The following PEX5L variants were observed in gnomAD, a reference collection of about 807,000 sequenced individuals.
PEX5L encodes the protein peroxisomal biogenesis factor 5 like.
A neutral mutation model predicts 84.0 loss-of-function variants in PEX5L; 30 were observed. The ratio of observed to expected loss-of-function variants is 0.36; its 90% CI spans 0.27 to 0.48. PEX5L has a LOEUF of 0.48. Among genes scored for constraint, PEX5L ranks in the 20% least tolerant of loss-of-function variants. The probability of loss-of-function intolerance (pLI) is 0.99; values close to 1 mark genes in which losing one functional copy is unlikely to be tolerated. For missense variants in PEX5L, 533 were observed against 754.6 expected (o/e 0.71, Z 3.44); for synonymous variants, 270 against 283.1 (o/e 0.95, Z 0.46).
chr3:179,840,401 C>T (rs1736766984), intron 8 of PEX5L, among the ~76,000 whole-genome samples: 1 of 151,382 alleles, frequency 6.6e-6, no homozygotes, highest in South Asian at 2.1e-4. Context: ...GTTGGCCAGG[C>T]TGGTCTCGAA....
At chr3:179,926,672 C>T (rs1771547705) in intron 2 of PEX5L, among the ~76,000 whole-genome samples, 1 of 152,206 alleles carries the variant, frequency 6.6e-6, no homozygotes, top group South Asian at 2.1e-4. Flanking sequence ...TGTTGTCTCT[C>T]CAACTAGAAT....
intron 2 of PEX5L, among the ~76,000 whole-genome samples, chr3:179,927,507 T>G (rs929249367): frequency 3.3e-5 from 5 of 152,182 alleles, no homozygotes; most frequent in African/African-American, 1.2e-4. Context: ...TTTGCTACCT[T>G]ACTGGGGATG....
intron 2 of PEX5L, among the ~76,000 whole-genome samples, chr3:179,898,938 A>AATAC (rs1760283059): frequency 6.6e-6 from 1 of 152,168 alleles, no homozygotes; most frequent in African/African-American, 2.4e-5. Context: ...AAGGATAATT[A>AATAC]ATACGTAAAG....
intron 8 of PEX5L, among the ~76,000 whole-genome samples, chr3:179,846,363 C>G (rs1271051867): frequency 6.6e-6 from 1 of 152,204 alleles, no homozygotes; most frequent in Non-Finnish European, 1.5e-5. Context: ...AATCTTCTAG[C>G]TATTTTGAAA....
intron 7 of PEX5L, among the ~76,000 whole-genome samples, chr3:179,867,209 C>T (rs1396472150): frequency 7.9e-5 from 12 of 151,976 alleles, no homozygotes; most frequent in Admixed American, 7.9e-4. Flanking sequence ...GATTTGTGAA[C>T]AGTCTATTAT....
At chr3:179,804,947 T>C (rs1360621940) in intron 14 of PEX5L, among the ~76,000 whole-genome samples, 1 of 151,986 alleles carries the variant, frequency 6.6e-6, no homozygotes, top group African/African-American at 2.4e-5. Flanking sequence ...GGTGAAACCC[T>C]GTGTCTACTA....
intron 2 of PEX5L, among the ~76,000 whole-genome samples, chr3:179,905,505 C>A (rs575479687): frequency 6.6e-6 from 1 of 152,138 alleles, no homozygotes; most frequent in African/African-American, 2.4e-5. Context: ...GTGATCCGCC[C>A]GCCTCGACCT....
At chr3:179,933,983 A>G (rs984194518) in intron 2 of PEX5L, among the ~76,000 whole-genome samples, 8 of 152,338 alleles carry the variant, frequency 5.3e-5, no homozygotes, top group African/African-American at 1.7e-4. Flanking sequence ...AGGTTGTGCC[A>G]GGACTCAGAA....
intron 8 of PEX5L, among the ~76,000 whole-genome samples, chr3:179,841,136 ACAGAGCC>A (rs1257516955): frequency 6.6e-6 from 1 of 152,136 alleles, no homozygotes; most frequent in Admixed American, 6.5e-5. Flanking sequence ...ATTGCTTGGC[ACAGAGCC>A]CACATTCCAT....
chr3:179,803,578 C>A (rs3774228), intron 14 of PEX5L, among the ~76,000 whole-genome samples: 24,090 of 152,130 alleles, frequency 0.16, 1,985 homozygotes, highest in South Asian at 0.21. Context: ...CCATTTCACC[C>A]CAACCTTGTT....
At chr3:179,811,217 A>ATGTG (rs59791968) in intron 11 of PEX5L, among the ~76,000 whole-genome samples, 21 of 150,104 alleles carry the variant, frequency 1.4e-4, no homozygotes, top group Non-Finnish European at 2.1e-4. Context: ...TATGGAATGT[A>ATGTG]TGTGTGTGTG....
At chr3:179,902,708 A>G (rs781177524) in intron 2 of PEX5L, 4 of 456,266 alleles carry the variant, frequency 8.8e-6, no homozygotes, top group African/African-American at 6.0e-5. Flanking sequence ...AAAGTATGCA[A>G]TTCCACAGTT....
At chr3:180,021,291 T>G (rs1295281915) in intron 1 of PEX5L, among the ~76,000 whole-genome samples, 1 of 152,172 alleles carries the variant, frequency 6.6e-6, no homozygotes, top group East Asian at 1.9e-4. Context: ...TTTGGAGTTC[T>G]TATGAGGACA....
At chr3:180,008,867 G>A (rs181493490) in intron 1 of PEX5L, among the ~76,000 whole-genome samples, 1 of 152,184 alleles carries the variant, frequency 6.6e-6, no homozygotes, top group African/African-American at 2.4e-5. Context: ...GAGAATATGG[G>A]TGGGGAGACA....
rs948991484 is a variant in PEX5L, at chr3:179,797,598, AAAAAAAAATATAT to A, written c.*4217_*4229del. 9 of 107,894 alleles carry A rather than the reference AAAAAAAAATATAT, an allele frequency of 8.3e-5. No individual in the cohort carries two copies. Among genetic ancestry groups the A allele is most frequent in the African/African-American group, 3.5e-4 (9 of 25,476 alleles). The allele number at this position is 107,894 out of a possible 1,614,324, so 6.7% of individuals were successfully genotyped here. ...ATCTATGAACACTCTTTAAAAAAAA[AAAAAAAAATATAT>A]ATATATATATATATATATATCTACT... is the stretch of plus-strand genomic sequence containing the variant. On this transcript the variant is annotated 3_prime_UTR_variant, in exon 15 of 15. Coordinates refer to ENST00000467460, the MANE Select transcript of PEX5L (RefSeq NM_016559.3).
chr3:180,007,211 C>T (rs1287638666), intron 1 of PEX5L, among the ~76,000 whole-genome samples: 1 of 152,148 alleles, frequency 6.6e-6, no homozygotes, highest in Non-Finnish European at 1.5e-5. Flanking sequence ...GGTAACAGGA[C>T]CCATGCAAGT....
chr3:179,863,612 AAGTTAAAACCACAGTGAG>A (rs1236882344), intron 7 of PEX5L, among the ~76,000 whole-genome samples: 2 of 152,296 alleles, frequency 1.3e-5, no homozygotes, highest in East Asian at 3.9e-4. Flanking sequence ...AGGGAAATGC[AAGTTAAAACCACAGTGAG>A]ATACCACCTC....
At chr3:179,831,286 C>T (rs1349938254) in intron 8 of PEX5L, among the ~76,000 whole-genome samples, 1 of 150,406 alleles carries the variant, frequency 6.6e-6, no homozygotes, top group Non-Finnish European at 1.5e-5. Context: ...TCCACTCCAA[C>T]TCCAGCCTGG....
chr3:180,021,771 G>C (rs1021284740), intron 1 of PEX5L, among the ~76,000 whole-genome samples: 1 of 152,170 alleles, frequency 6.6e-6, no homozygotes, highest in African/African-American at 2.4e-5. Context: ...TAGTGAGACT[G>C]GTGTTAAGTT....
Sources: gnomAD v4.1 joint callset for allele counts (sites outside exome capture counted in the v4.1 genomes callset) on GRCh38, gnomAD v4.1.1 for gene constraint, MANE v1.5 for transcripts, NCBI Gene and HGNC (gene_info 2026-07-23, HGNC 2026-07-21) for gene names.